PXN: variants seen among roughly 807,000 people sequenced by gnomAD.
PXN encodes the protein paxillin.
PXN carries 61 observed loss-of-function variants against 103.6 expected under a neutral mutation model. The ratio of observed to expected loss-of-function variants is 0.59; its 90% CI spans 0.48 to 0.73. PXN has a LOEUF of 0.73. Among genes scored for constraint, PXN ranks in the 30% least tolerant of loss-of-function variants. The pLI is 0.00. For synonymous variants in PXN, 562 were observed against 607.8 expected, an observed-to-expected ratio of 0.92 and a Z score of 1.11; for missense variants, 1,274 against 1,460.3, an observed-to-expected ratio of 0.87 and a Z score of 2.08.
At chr12:120,243,039 G>C (rs567345643) in intron 1 of PXN, among the ~76,000 whole-genome samples, 1 of 152,236 alleles carries the variant, frequency 6.6e-6, no homozygotes, top group Admixed American at 6.5e-5. Flanking sequence ...GGATAAGTTT[G>C]ATTAGCTTGA....
At chr12:120,259,946 T>A (rs1209316112) in intron 1 of PXN, among the ~76,000 whole-genome samples, 2 of 152,154 alleles carry the variant, frequency 1.3e-5, no homozygotes, top group Admixed American at 6.5e-5. Flanking sequence ...AACTCCCTCC[T>A]CTGGATACGG....
intron 1 of PXN, among the ~76,000 whole-genome samples, chr12:120,253,256 T>C (rs978188218): frequency 1.3e-5 from 2 of 152,134 alleles, no homozygotes; most frequent in Non-Finnish European, 2.9e-5. Flanking sequence ...GTGGATCACC[T>C]GAGGTCAGGA....
At chr12:120,255,229 C>T (rs533144510) in intron 1 of PXN, among the ~76,000 whole-genome samples, 2 of 152,192 alleles carry the variant, frequency 1.3e-5, no homozygotes, top group South Asian at 2.1e-4. Flanking sequence ...TGGGAAAACA[C>T]CCAGGTGCAC....
At position 120,216,402 on chromosome 12, in the gene PXN, C is replaced by A; in HGVS notation, c.2172G>T (p.Gly724=). Residue 724 remains glycine, a synonymous_variant, in exon 9 of 15, where the codon GGG becomes GGT. Transcript: ENST00000637617. The surrounding 1 kb of genome is among the most constrained non-coding windows in gnomAD (Gnocchi z 5.1). ...GPSAYTCGSS[G]VQSAGEEPHD... ...GGGGCTCTTCCCCTGCACTCTGGAC[C>A]CCAGAAGAACCACAGGTATAAGCTG... 5 of 1,348,840 alleles carry A rather than the reference C, an allele frequency of 3.7e-6. No individual in the cohort carries two copies. Among genetic ancestry groups the A allele is most frequent in the Non-Finnish European group, 4.7e-6 (5 of 1,058,070 alleles). The allele number at this position is 1,348,840 out of a possible 1,614,324, so 83.6% of individuals were successfully genotyped here.
Position 120,224,300 on chromosome 12 carries a change from A to G in PXN, c.91T>C (p.Tyr31His). 1 of 1,613,932 alleles carries G rather than the reference A, an allele frequency of 6.2e-7. No individual in the cohort carries two copies. The highest frequency in any genetic ancestry group is 8.5e-7 in the Non-Finnish European group (1 of 1,179,862). ...GTGTGGTTTCCAGTTGGGTATGAGT[A>G]GGGGGTCTCCTCCGACAAGAACACA... The part of the protein sequence containing the change: ...RPVFLSEETP[Y>H]SYPTGNHTYQ... Residue 31 changes from tyrosine (Y) to histidine (H), a missense_variant, in exon 2 of 15, where the codon TAC becomes CAC. Tyr to His is a moderately conservative substitution (Grantham distance 83, BLOSUM62 2). Around this residue, in one of 2 missense-constraint regions of PXN, gnomAD observed 1,178 missense variants for 1,309.0 expected, o/e 0.90. Coordinates refer to ENST00000637617, the MANE Select transcript of PXN (RefSeq NM_001385981.1). The surrounding 1 kb of genome is among the most constrained non-coding windows in gnomAD (Gnocchi z 5.0).
At chr12:120,257,025 T>A (rs1198560675) in intron 1 of PXN, among the ~76,000 whole-genome samples, 2 of 152,114 alleles carry the variant, frequency 1.3e-5, no homozygotes, top group African/African-American at 2.4e-5. Flanking sequence ...CTGGCCTCAG[T>A]AGGGTTTTTA....
At chr12:120,249,395 A>T (rs1236889069) in intron 1 of PXN, among the ~76,000 whole-genome samples, 2 of 152,090 alleles carry the variant, frequency 1.3e-5, no homozygotes, top group Non-Finnish European at 2.9e-5. Flanking sequence ...AATACCCAAC[A>T]GGCCATTAGG....
chr12:120,233,831 C>T (rs1888519262), intron 1 of PXN, among the ~76,000 whole-genome samples: 1 of 152,162 alleles, frequency 6.6e-6, no homozygotes, highest in Non-Finnish European at 1.5e-5. Context: ...CTCCCCGCTT[C>T]CCTTTTTGCC....
Position 120,225,024 on chromosome 12 carries a change from G to T in PXN, c.14-647C>A. The T allele has an allele frequency of 3.7e-6, 1 of 267,374 alleles. No homozygotes were observed. The highest frequency in any genetic ancestry group is 4.5e-5 in the Admixed American group (1 of 22,340). 16.6% of individuals were successfully genotyped at this position (267,374 alleles called of 1,614,324 possible). On this transcript the variant is annotated intron_variant, in intron 1 of 14. Coordinates refer to ENST00000637617, the MANE Select transcript of PXN (RefSeq NM_001385981.1). This position sits in a 1 kb window ranked among gnomAD's most constrained non-coding sequence, Gnocchi z 4.4. ...GAGCAGGGGGCAAGACTGCTCCATT[G>T]GCTGTTTCTGCGGAAGTCTGGCAAG...
At position 120,214,802 on chromosome 12, in the gene PXN, G is replaced by A. The variant is rs552128015; in HGVS notation, c.2748+23C>T. ...GAAGCTGGAATGAGCGGAAGCGGGC[G>A]CGGTGCCGGATGAGGAACTCACATC... On this transcript the variant is annotated intron_variant, in intron 12 of 14. Transcript: ENST00000637617. The surrounding 1 kb of genome is among the most constrained non-coding windows in gnomAD (Gnocchi z 5.0). 1.5e-4 allele frequency: 245 copies of A among 1,612,824 alleles called. 3 individuals carry two copies. The Middle Eastern group carries it at 1.7e-3, about 11-fold the overall frequency.
intron 1 of PXN, among the ~76,000 whole-genome samples, chr12:120,236,290 A>G (rs1243202428): frequency 1.3e-5 from 2 of 152,156 alleles, no homozygotes; most frequent in Non-Finnish European, 2.9e-5. Context: ...GCTAATCATC[A>G]TAAGGTATGG....
chr12:120,217,819 C>T lies in PXN; in HGVS notation c.1717-703G>A, dbSNP rs568601966. Among the ~76,000 whole-genome samples, 1 of 151,500 alleles carries T rather than the reference C, an allele frequency of 6.6e-6. No homozygotes were observed. The highest frequency in any genetic ancestry group is 1.9e-4 in the East Asian group (1 of 5,166). ...TTCATCATGTTGGTTCGGCTGGTCTCAAACTCCTGACCTCGTGATCTGCCT... is the reference window on the plus strand; with the variant it reads ...TTCATCATGTTGGTTCGGCTGGTCTTAAACTCCTGACCTCGTGATCTGCCT... On this transcript the variant is annotated intron_variant, in intron 7 of 14. Transcript: ENST00000637617. This position sits in a 1 kb window ranked among gnomAD's most constrained non-coding sequence, Gnocchi z 4.1.
intron 1 of PXN, among the ~76,000 whole-genome samples, chr12:120,252,933 G>A (rs1892418533): frequency 2.0e-5 from 3 of 151,112 alleles, no homozygotes; most frequent in Non-Finnish European, 2.9e-5. Context: ...AGGAGGCGGA[G>A]GTTGCAGTTG....
At chr12:120,230,725 C>CCT (rs1257707860) in intron 1 of PXN, among the ~76,000 whole-genome samples, 2 of 151,494 alleles carry the variant, frequency 1.3e-5, no homozygotes, top group African/African-American at 4.9e-5. Flanking sequence ...TGCTTTCACT[C>CCT]GGTGAGTAAG....
Position 120,265,349 on chromosome 12 carries a change from G to C in PXN, c.13+268C>G, listed in dbSNP as rs909141877. ...GTCCCTGGGGCCCTTCTGGGAGATG[G>C]TGATGGGTCCCCGAGGTCGGGGGTC... On this transcript the variant is annotated intron_variant, in intron 1 of 14. Coordinates refer to ENST00000637617, the MANE Select transcript of PXN (RefSeq NM_001385981.1). This position sits in a 1 kb window ranked among gnomAD's most constrained non-coding sequence, Gnocchi z 5.7. Among the ~76,000 whole-genome samples, 2 of 152,260 alleles carry C rather than the reference G, an allele frequency of 1.3e-5. No individual in the cohort carries two copies. The highest frequency in any genetic ancestry group is 2.1e-4 in the South Asian group (1 of 4,828).
chr12:120,218,033 G>T (rs1041281079), intron 7 of PXN, among the ~76,000 whole-genome samples: 9 of 148,034 alleles, frequency 6.1e-5, no homozygotes, highest in Non-Finnish European at 1.0e-4. Context: ...GAGGCATAAA[G>T]CTTGGGGGAT....
chr12:120,239,605 G>A (rs1335731764), intron 1 of PXN, among the ~76,000 whole-genome samples: 2 of 152,038 alleles, frequency 1.3e-5, no homozygotes, highest in South Asian at 2.1e-4. Flanking sequence ...AAATTAGCCA[G>A]GCGTGGTGGT....
intron 1 of PXN, among the ~76,000 whole-genome samples, chr12:120,245,300 T>C (rs2136551975): frequency 6.6e-6 from 1 of 151,962 alleles, no homozygotes; most frequent in East Asian, 1.9e-4. Flanking sequence ...TCGATTATCA[T>C]GACTGAAGCA....
intron 1 of PXN, chr12:120,226,062 C>T (rs1486843521): frequency 1.8e-6 from 2 of 1,086,962 alleles, no homozygotes; most frequent in African/African-American, 3.3e-5. Flanking sequence ...CTCTAGCAAA[C>T]CGGAACTAGA....
Sources: allele counts gnomAD v4.1 joint callset (sites outside exome capture counted in the v4.1 genomes callset), GRCh38; gene constraint gnomAD v4.1.1; regional missense constraint gnomAD v4.1.1; non-coding constraint Gnocchi (gnomAD v3.1); transcripts MANE v1.5; gene names NCBI Gene and HGNC (gene_info 2026-07-23, HGNC 2026-07-21).